The following TULP4 variants were observed in gnomAD, a reference collection of about 807,000 sequenced individuals.
TULP4 encodes TUB like protein 4.
Under a neutral mutation model 129.0 loss-of-function variants are expected in TULP4, and 16 were observed. That is an observed-to-expected ratio of 0.12 (90% CI 0.08 to 0.19). TULP4 has a LOEUF of 0.19. Among genes scored for constraint, TULP4 ranks in the 10% least tolerant of loss-of-function variants. TULP4 has a pLI of 1.00. For synonymous variants in TULP4, 998 were observed against 854.0 expected (o/e 1.17, Z -2.94); for missense variants, 1,842 against 2,059.1 (o/e 0.89, Z 2.04).
chr6:158,351,999 G>A (rs1186935844), intron 1 of TULP4, among the ~76,000 whole-genome samples: 1 of 152,008 alleles, frequency 6.6e-6, no homozygotes, highest in Non-Finnish European at 1.5e-5. Context: ...TGGGATTACA[G>A]GCGTGAGCTA....
intron 1 of TULP4, among the ~76,000 whole-genome samples, chr6:158,240,114 G>A (rs1247988978): frequency 7.4e-4 from 49 of 66,514 alleles, no homozygotes; most frequent in African/African-American, 2.3e-3. Flanking sequence ...CAGTAGGGGC[G>A]GCCGGGCAGA....
upstream of TULP4, among the ~76,000 whole-genome samples, chr6:158,280,308 A>G (rs149471789): frequency 2.9e-3 from 439 of 152,174 alleles, no homozygotes; most frequent in African/African-American, 1.0e-2. Flanking sequence ...TCTTTTTTTA[A>G]TTGCCTTTTT....
intron 2 of TULP4, among the ~76,000 whole-genome samples, chr6:158,422,635 T>G (rs1262630354): frequency 6.6e-6 from 1 of 151,662 alleles, no homozygotes; most frequent in African/African-American, 2.4e-5. Flanking sequence ...CATACAGAGA[T>G]AGAGGGAGAG....
chr6:158,441,214 T>C (rs1448828806), intron 3 of TULP4, among the ~76,000 whole-genome samples: 1 of 151,968 alleles, frequency 6.6e-6, no homozygotes, highest in Admixed American at 6.6e-5. Context: ...GTCGGGAGGC[T>C]GAGGTAGGAG....
intron 1 of TULP4, among the ~76,000 whole-genome samples, chr6:158,404,957 A>AT (rs1479175345): frequency 6.6e-6 from 1 of 152,122 alleles, no homozygotes; most frequent in African/African-American, 2.4e-5. Flanking sequence ...ACTGTTATAT[A>AT]TGTCATAAAT....
intron 2 of TULP4, among the ~76,000 whole-genome samples, chr6:158,427,470 C>CTT (rs1251385882): frequency 6.0e-5 from 6 of 100,688 alleles, no homozygotes; most frequent in South Asian, 7.4e-4. Context: ...AATTATCAGA[C>CTT]CTTTTTTTTT....
At chr6:158,475,871 C>G (rs613607) in intron 6 of TULP4, among the ~76,000 whole-genome samples, 63,593 of 152,074 alleles carry the variant, frequency 0.42, 14,601 homozygotes, top group African/African-American at 0.62. Flanking sequence ...GGCTGGAATA[C>G]CAGTAAACAG....
At chr6:158,323,806 T>C (rs1011512517) in intron 1 of TULP4, among the ~76,000 whole-genome samples, 1 of 152,228 alleles carries the variant, frequency 6.6e-6, no homozygotes, top group Non-Finnish European at 1.5e-5. Flanking sequence ...CCTCAGACTT[T>C]TCTATACAGT....
chr6:158,260,785 C>T (rs1237814530), intron 1 of TULP4, among the ~76,000 whole-genome samples: 2 of 149,316 alleles, frequency 1.3e-5, no homozygotes, highest in African/African-American at 2.4e-5. Context: ...TGGCTGTCAT[C>T]GACGCCTGGG....
intron 5 of TULP4, among the ~76,000 whole-genome samples, chr6:158,454,677 C>T: frequency 6.6e-6 from 1 of 151,400 alleles, no homozygotes; most frequent in East Asian, 1.9e-4. Context: ...ACGATCTTGG[C>T]TCACTGAGTC....
chr6:158,387,508 A>T (rs1160760815), intron 1 of TULP4, among the ~76,000 whole-genome samples: 2 of 152,242 alleles, frequency 1.3e-5, no homozygotes, highest in Non-Finnish European at 2.9e-5. Flanking sequence ...GCATAATTTA[A>T]GTAGCAGCCT....
At position 158,259,734 on chromosome 6, in the gene TULP4, C is replaced by T. The variant is rs536898277; in HGVS notation, n.68+27431C>T. Among the ~76,000 whole-genome samples the T allele has an allele frequency of 1.4e-4, 22 of 152,350 alleles. No individual in the cohort carries two copies. In the South Asian group the frequency reaches 4.1e-3, roughly 29 times the overall value. On this transcript the variant is annotated intron_variant and non_coding_transcript_variant, in intron 1 of 1. Coordinates refer to the TULP4 transcript ENST00000620026. ...ATTGCAAGTCTTCATGCTACCTGGA[C>T]TTCTGACCAACTGGCTGTAAATTTG...
At chr6:158,329,899 T>C (rs1252846732) in intron 1 of TULP4, among the ~76,000 whole-genome samples, 1 of 152,200 alleles carries the variant, frequency 6.6e-6, no homozygotes, top group Non-Finnish European at 1.5e-5. Context: ...CCCCTAGTAA[T>C]GAAACACTTG....
At chr6:158,345,792 G>C (rs1780291902) in intron 1 of TULP4, among the ~76,000 whole-genome samples, 1 of 152,154 alleles carries the variant, frequency 6.6e-6, no homozygotes. Context: ...GAAGTGGTCT[G>C]ACCTCAAATT....
intron 6 of TULP4, among the ~76,000 whole-genome samples, chr6:158,474,378 G>A (rs560053580): frequency 6.6e-6 from 1 of 152,180 alleles, no homozygotes; most frequent in Non-Finnish European, 1.5e-5. Context: ...GCACTGCCTG[G>A]TTTTCCCTGT....
chr6:158,441,598 A>G (rs1021926894), intron 3 of TULP4, among the ~76,000 whole-genome samples: 1 of 152,086 alleles, frequency 6.6e-6, no homozygotes, highest in Non-Finnish European at 1.5e-5. Context: ...ATATGTCCTT[A>G]TATGTGTTAG....
intron 1 of TULP4, among the ~76,000 whole-genome samples, chr6:158,364,428 A>G (rs1291960621): frequency 6.6e-6 from 1 of 152,176 alleles, no homozygotes; most frequent in Non-Finnish European, 1.5e-5. Context: ...TTATTGAAGC[A>G]TGTATTTTCT....
At position 158,312,578 on chromosome 6, in the gene TULP4, A is replaced by G. The variant is rs1779381592; in HGVS notation, c.-1439A>G. The G allele has an allele frequency of 6.5e-6, 1 of 153,778 alleles. No individual in the cohort carries two copies. Among genetic ancestry groups the G allele is most frequent in the Admixed American group, 6.5e-5 (1 of 15,326 alleles). The allele number at this position is 153,778 out of a possible 1,614,324, so 9.5% of individuals were successfully genotyped here. A position where few individuals can be genotyped will look rare whatever the true frequency, so the allele number is the denominator to read the frequency against. Reference sequence around the variant, plus strand: ...AGTAACTCCTACTGTGGTTATGGCTAGAGGAAAGCAAGTTCAAGTATGATG... The same window carrying G: ...AGTAACTCCTACTGTGGTTATGGCTGGAGGAAAGCAAGTTCAAGTATGATG... On this transcript the variant is annotated 5_prime_UTR_variant, in exon 1 of 14. Coordinates refer to ENST00000367097, the MANE Select transcript of TULP4 (RefSeq NM_020245.5).
At chr6:158,483,821 T>C (rs537675572) in intron 8 of TULP4, among the ~76,000 whole-genome samples, 15 of 152,254 alleles carry the variant, frequency 9.9e-5, no homozygotes, top group African/African-American at 3.4e-4. Context: ...CCAGGTGGTT[T>C]TTATGCACTA....
Sources: gnomAD v4.1 joint callset for allele counts (sites outside exome capture counted in the v4.1 genomes callset) on GRCh38, gnomAD v4.1.1 for gene constraint, MANE v1.5 for transcripts, NCBI Gene and HGNC (gene_info 2026-07-23, HGNC 2026-07-21) for gene names.